The following PLCG2 variants were observed in gnomAD, a reference collection of about 807,000 sequenced individuals.
PLCG2 encodes phospholipase C gamma 2.
PLCG2 carries 69 observed loss-of-function variants against 175.6 expected under a neutral mutation model. The ratio of observed to expected loss-of-function variants is 0.39; its 90% CI spans 0.32 to 0.48. The LOEUF (loss-of-function observed/expected upper bound fraction) is 0.48. PLCG2 is among the 20% of genes least tolerant of loss of function. The probability of loss-of-function intolerance (pLI) is 0.91; values close to 1 mark genes in which losing one functional copy is unlikely to be tolerated. For synonymous variants in PLCG2, 827 were observed against 624.0 expected (o/e 1.33, Z -4.85); for missense variants, 1,798 against 1,650.9 (o/e 1.09, Z -1.54).
chr16:81,745,219 C>A (rs951553545), intron 1 of PLCG2, among the ~76,000 whole-genome samples: 19 of 152,300 alleles, frequency 1.2e-4, no homozygotes, highest in Non-Finnish European at 1.8e-4. Context: ...TGGTGGCATT[C>A]CTAGCCTCCC....
chr16:81,865,333 T>C (rs1347909736), intron 5 of PLCG2, among the ~76,000 whole-genome samples: 1 of 152,124 alleles, frequency 6.6e-6, no homozygotes, highest in Non-Finnish European at 1.5e-5. Flanking sequence ...GTGCTGGTTT[T>C]GGTCGGGCTG....
chr16:81,905,231 C>T (rs1431396771), intron 14 of PLCG2, among the ~76,000 whole-genome samples, 172 bp from the exon 15 acceptor site: 2 of 152,236 alleles, frequency 1.3e-5, no homozygotes, highest in East Asian at 3.9e-4. Context: ...AGCTCCTCCT[C>T]CTCGTTCAGG....
At chr16:81,791,685 C>A (rs752576111) in intron 2 of PLCG2, among the ~76,000 whole-genome samples, 7 of 152,158 alleles carry the variant, frequency 4.6e-5, no homozygotes, top group Non-Finnish European at 7.3e-5. Flanking sequence ...CCACCTCAGC[C>A]CCCCGAGTAG....
At chr16:81,951,893 C>CAA (rs1239665424) in intron 31 of PLCG2, among the ~76,000 whole-genome samples, 1 of 152,082 alleles carries the variant, frequency 6.6e-6, no homozygotes, top group Non-Finnish European at 1.5e-5. Context: ...CTATTGTATA[C>CAA]AAATTTAAAC....
chr16:81,890,788 A>C (rs7202169), intron 10 of PLCG2, among the ~76,000 whole-genome samples: 3 of 151,982 alleles, frequency 2.0e-5, no homozygotes, highest in Non-Finnish European at 2.9e-5. Context: ...CTGCCCTTTC[A>C]ACATTCTGAT....
chr16:81,828,998 G>T lies in PLCG2; in HGVS notation c.194-25446G>T, dbSNP rs1021480717. ...TCAAACATTGCTAGTCTCAGGAATA[G>T]TCAGAAAAGCACAGGACCTGGCTTT... On this transcript the variant is annotated intron_variant, in intron 2 of 32. Transcript: ENST00000564138. Among the ~76,000 whole-genome samples, 4 of 152,204 alleles carry T rather than the reference G, an allele frequency of 2.6e-5. No individual in the cohort carries two copies. In the South Asian group the frequency reaches 6.2e-4, roughly 24 times the overall value.
chr16:81,754,786 T>G (rs186840841), intron 1 of PLCG2, among the ~76,000 whole-genome samples: 100 of 152,156 alleles, frequency 6.6e-4, no homozygotes, highest in Non-Finnish European at 1.3e-4. Context: ...TAATAAAATA[T>G]GCTATGAAGA....
At chr16:81,777,250 C>T (rs897932240), upstream of PLCG2, among the ~76,000 whole-genome samples, 1 of 152,158 alleles carries the variant, frequency 6.6e-6, no homozygotes, top group African/African-American at 2.4e-5. Flanking sequence ...GTGGTCTCCA[C>T]ACATTCTGAT....
intron 1 of PLCG2, among the ~76,000 whole-genome samples, chr16:81,741,452 G>A (rs1313494696): frequency 6.6e-6 from 1 of 152,020 alleles, no homozygotes; most frequent in Non-Finnish European, 1.5e-5. Flanking sequence ...TTTGCCCTTT[G>A]GATTTTCCCC....
intron 5 of PLCG2, among the ~76,000 whole-genome samples, chr16:81,863,949 T>C (rs1007390891): frequency 1.3e-5 from 2 of 152,206 alleles, no homozygotes; most frequent in African/African-American, 4.8e-5. Flanking sequence ...GACTCCAGAA[T>C]GTTAGAGTCA....
chr16:81,815,650 C>T (rs886125723), intron 2 of PLCG2, among the ~76,000 whole-genome samples: 1 of 152,168 alleles, frequency 6.6e-6, no homozygotes, highest in African/African-American at 2.4e-5. Flanking sequence ...TGCTGGGAGT[C>T]TGAGCATGGG....
At chr16:81,890,803 A>C (rs1029801113) in intron 10 of PLCG2, among the ~76,000 whole-genome samples, 2 of 152,180 alleles carry the variant, frequency 1.3e-5, no homozygotes, top group Non-Finnish European at 2.9e-5. Context: ...TCTGATATGG[A>C]TAACACTCTG....
chr16:81,900,847 T>A, intron 14 of PLCG2, 67 bp downstream of exon 14: 2 of 1,450,708 alleles, frequency 1.4e-6, no homozygotes, highest in Non-Finnish European at 1.9e-6. Context: ...CGGCTCTGGG[T>A]CCCGTTCACC....
intron 15 of PLCG2, 58 bp from the exon 16 acceptor site, chr16:81,907,627 C>T: frequency 1.6e-6 from 2 of 1,258,584 alleles, no homozygotes; most frequent in Non-Finnish European, 2.3e-6. Flanking sequence ...GGCTCCTGGG[C>T]TCCACAGTTG....
At chr16:81,787,491 G>C (rs58758762) in intron 2 of PLCG2, among the ~76,000 whole-genome samples, 1 of 139,724 alleles carries the variant, frequency 7.2e-6, no homozygotes, top group Admixed American at 7.6e-5. Context: ...GCCTCCCAAA[G>C]CATTGGGATT....
At chr16:81,866,813 C>T (rs568698944) in intron 5 of PLCG2, among the ~76,000 whole-genome samples, 181 of 152,342 alleles carry the variant, frequency 1.2e-3, no homozygotes, top group African/African-American at 4.2e-3. Context: ...CGACCCCTCT[C>T]GCTGCCGCTC....
rs190716998 is a variant in PLCG2 at position 81,851,696 on chromosome 16, A to T, written c.194-2748A>T. ...CCCAGCTACTTTTTGTATTCTTACTAGAGATGGGGTTTCACCTTGTTGGCC... is the reference window on the plus strand; with the variant it reads ...CCCAGCTACTTTTTGTATTCTTACTTGAGATGGGGTTTCACCTTGTTGGCC... On this transcript the variant is annotated intron_variant, in intron 2 of 32. Coordinates refer to ENST00000564138, the MANE Select transcript of PLCG2 (RefSeq NM_002661.5). Among the ~76,000 whole-genome samples, 244 of 152,330 alleles carry T rather than the reference A, an allele frequency of 1.6e-3. 1 individual carries two copies. Among genetic ancestry groups the T allele is most frequent in the Non-Finnish European group, 2.1e-3 (143 of 68,026 alleles).
rs1908183037 is a variant in PLCG2 at position 81,883,299 on chromosome 16, T to C, written c.723T>C (p.Val241=). The change falls in exon 9 of 33, where the codon GTT becomes GTC. Residue 241 remains valine (V), a synonymous_variant. Coordinates refer to ENST00000564138, the MANE Select transcript of PLCG2 (RefSeq NM_002661.5). The stretch of plus-strand genomic sequence containing the variant: ...CTGACAGGCCGGATGCCTCTGCTGT[T>C]TACCTGCATGACTTCCAGAGGTTTC... ...GNTDRPDASA[V]YLHDFQRFLI... The C allele has an allele frequency of 6.2e-7, 1 of 1,614,046 alleles. No individual in the cohort carries two copies. The highest frequency in any genetic ancestry group is 8.5e-7 in the Non-Finnish European group (1 of 1,180,006).
At chr16:81,848,132 G>A (rs1258297737) in intron 2 of PLCG2, among the ~76,000 whole-genome samples, 1 of 152,194 alleles carries the variant, frequency 6.6e-6, no homozygotes, top group Non-Finnish European at 1.5e-5. Context: ...CAGAAGAATA[G>A]AAAGATTAGT....
Sources: gnomAD v4.1 joint callset for allele counts (sites outside exome capture counted in the v4.1 genomes callset) on GRCh38, gnomAD v4.1.1 for gene constraint, MANE v1.5 for transcripts, NCBI Gene and HGNC (gene_info 2026-07-23, HGNC 2026-07-21) for gene names.